The following NUB1 variants were observed in gnomAD, a reference collection of about 807,000 sequenced individuals.
The protein encoded by NUB1 is NEDD8 ultimate buster 1.
A neutral mutation model predicts 77.1 loss-of-function variants in NUB1; 41 were observed. The observed-to-expected ratio is 0.53, with a 90% CI of 0.41 to 0.69. The LOEUF (loss-of-function observed/expected upper bound fraction) is 0.69. Among genes scored for constraint, NUB1 ranks in the 30% least tolerant of loss-of-function variants. NUB1 has a pLI of 0.00. For missense variants in NUB1, 643 were observed against 743.8 expected, an observed-to-expected ratio of 0.86 and a Z score of 1.58; for synonymous variants, 257 against 281.0, an observed-to-expected ratio of 0.91 and a Z score of 0.85.
chr7:151,375,927 A>G lies in NUB1; in HGVS notation c.1475A>G (p.Gln492Arg). ...ETDNRQESPSQENIDRLVYMG... is the reference protein window; with the variant it reads ...ETDNRQESPSRENIDRLVYMG... ...GACAACCGTCAAGAAAGTCCTTCCC[A>G]GGAAAACATTGACCGAGTGAGTGAC... is the stretch of plus-strand genomic sequence containing the variant. The change falls in exon 13 of 15, where the codon CAG becomes CGG. Residue 492 changes from glutamine (Q) to arginine (R), a missense_variant. By Grantham distance (43) the Gln-to-Arg change is conservative. Coordinates refer to ENST00000568733, the MANE Select transcript of NUB1 (RefSeq NM_001243351.2). 1 of 1,611,628 alleles carries G rather than the reference A, an allele frequency of 6.2e-7. No individual in the cohort carries two copies. Among genetic ancestry groups the G allele is most frequent in the South Asian group, 1.1e-5 (1 of 91,046 alleles).
At chr7:151,361,487 C>T (rs1797379396) in intron 8 of NUB1, among the ~76,000 whole-genome samples, 1 of 152,194 alleles carries the variant, frequency 6.6e-6, no homozygotes, top group Non-Finnish European at 1.5e-5. Context: ...TCAGCAATTT[C>T]CCAAGGAGTC....
intron 12 of NUB1, chr7:151,374,484 GCA>G: frequency 1.7e-6 from 1 of 597,948 alleles, no homozygotes; most frequent in Non-Finnish European, 3.0e-6. Context: ...GTCCACACCA[GCA>G]CAGTCCACAG....
intron 11 of NUB1, 124 bp from the exon 12 acceptor site, chr7:151,373,973 C>T (rs1798083724): frequency 1.5e-5 from 16 of 1,043,580 alleles, no homozygotes; most frequent in East Asian, 2.6e-5. Flanking sequence ...AAAGAGGGCC[C>T]CCTGTGCTTT....
chr7:151,377,025 C>T, intron 14 of NUB1, 22 bp from the exon 15 acceptor site: 1 of 1,518,780 alleles, frequency 6.6e-7, no homozygotes, highest in Non-Finnish European at 8.8e-7. Context: ...AATTCACTTA[C>T]TCCTGCGGTA....
chr7:151,374,885 A>G (rs2302127), intron 12 of NUB1, among the ~76,000 whole-genome samples: 100,056 of 152,054 alleles, frequency 0.66, 33,482 homozygotes, highest in East Asian at 0.89. Flanking sequence ...ACACGTGGTG[A>G]GGGGTCCCGA....
rs1798192425 is a variant in NUB1, at chr7:151,375,836, T to C, written c.1396-12T>C. On this transcript the variant is annotated splice_polypyrimidine_tract_variant and intron_variant, in intron 12 of 14. Coordinates refer to ENST00000568733, the MANE Select transcript of NUB1 (RefSeq NM_001243351.2). The stretch of plus-strand genomic sequence containing the variant: ...CTTAGTGATGGGTAAAGGGTGTTCC[T>C]GTGTGTTTTAGATTCTGCTCAGCAA... 3.2e-6 allele frequency: 5 copies of C among 1,567,726 alleles called. No individual in the cohort carries two copies. The highest frequency in any genetic ancestry group is 1.7e-5 in the Admixed American group (1 of 59,916).
chr7:151,364,426 CAAAAACAAAA>C (rs1258204515), intron 8 of NUB1, among the ~76,000 whole-genome samples: 2 of 51,524 alleles, frequency 3.9e-5, no homozygotes, highest in Non-Finnish European at 1.1e-4. Context: ...GTCTCAAAAA[CAAAAACAAAA>C]AAAAACAAAA....
At chr7:151,344,380 G>A (rs1281564018) in intron 1 of NUB1, among the ~76,000 whole-genome samples, 2 of 150,420 alleles carry the variant, frequency 1.3e-5, no homozygotes, top group Non-Finnish European at 3.0e-5. Flanking sequence ...GTGCCATCTC[G>A]GCTCACTACA....
In NUB1 at chr7:151,377,391, G is replaced by A; in HGVS notation, c.*166G>A. On this transcript the variant is annotated 3_prime_UTR_variant, in exon 15 of 15. Transcript: ENST00000568733. ...CCAGGAGGGGTCCCAGGGCCTTCAT[G>A]CGTGGTCTCGGGGAAGAAGCTTCCT... is the stretch of plus-strand genomic sequence containing the variant. 2.0e-6 allele frequency: 1 copy of A among 504,226 alleles called. No homozygotes were observed. The allele number at this position is 504,226 out of a possible 1,614,324, so 31.2% of individuals were successfully genotyped here.
chr7:151,354,423 C>T (rs532828498), intron 5 of NUB1, among the ~76,000 whole-genome samples: 1 of 151,410 alleles, frequency 6.6e-6, no homozygotes, highest in Non-Finnish European at 1.5e-5. Flanking sequence ...GAAAAAAATC[C>T]AGCTAGTTTT....
At chr7:151,365,201 A>G (rs1347131329) in intron 8 of NUB1, among the ~76,000 whole-genome samples, 1 of 152,042 alleles carries the variant, frequency 6.6e-6, no homozygotes, top group Non-Finnish European at 1.5e-5. Context: ...ATAGTTTTAT[A>G]TATAATAATA....
In NUB1 at chr7:151,345,364, A is replaced by G. The variant is rs778777527; in HGVS notation, c.15A>G (p.Lys5=). 1.2e-6 allele frequency: 2 copies of G among 1,610,788 alleles called. No individual in the cohort carries two copies. Among genetic ancestry groups the G allele is most frequent in the African/African-American group, 1.3e-5 (1 of 74,862 alleles). Reference sequence around the variant, plus strand: ...TGCTTTCAGGGATGGCACAAAAGAAATATCTTCAAGCAAAATTGACCCAGT... The same window carrying G: ...TGCTTTCAGGGATGGCACAAAAGAAGTATCTTCAAGCAAAATTGACCCAGT... MAQK[K]YLQAKLTQFL... is the part of the protein sequence containing the mutation. The change falls in exon 2 of 15, where the codon AAA becomes AAG. Residue 5 remains lysine (K), a synonymous_variant. Coordinates refer to ENST00000568733, the MANE Select transcript of NUB1 (RefSeq NM_001243351.2).
intron 8 of NUB1, among the ~76,000 whole-genome samples, chr7:151,363,812 C>G (rs922141784): frequency 6.6e-6 from 1 of 152,072 alleles, no homozygotes; most frequent in Non-Finnish European, 1.5e-5. Flanking sequence ...GAGTCTCACT[C>G]TGTCGCCCAG....
chr7:151,376,599 G>A, intron 13 of NUB1, 35 bp from the exon 14 acceptor site: 1 of 1,561,738 alleles, frequency 6.4e-7, no homozygotes, highest in Non-Finnish European at 8.7e-7. Context: ...AGAGGCGCCA[G>A]GGGCTGATGC....
chr7:151,374,409 C>T lies in NUB1; in HGVS notation c.1395+166C>T, dbSNP rs1213820782. 56 of 811,422 alleles carry T rather than the reference C, an allele frequency of 6.9e-5. 2 individuals carry two copies. In the East Asian group the frequency reaches 1.2e-3, roughly 17 times the overall value. The allele number at this position is 811,422 out of a possible 1,614,324, so 50.3% of individuals were successfully genotyped here. ...TGGGCTCCAGCCCAGACACAGGCTG[C>T]GTGAGGCCACGTGAGGCCCCATGCT... On this transcript the variant is annotated intron_variant, in intron 12 of 14. Transcript: ENST00000568733.
intron 1 of NUB1, among the ~76,000 whole-genome samples, chr7:151,343,982 C>A (rs1796335576): frequency 1.3e-5 from 2 of 151,664 alleles, no homozygotes; most frequent in Admixed American, 1.3e-4. Context: ...GAGATTGAGA[C>A]CATCCTGGCC....
In NUB1 at chr7:151,377,344, A is replaced by C; in HGVS notation, c.*119A>C. On this transcript the variant is annotated 3_prime_UTR_variant, in exon 15 of 15. Coordinates refer to ENST00000568733, the MANE Select transcript of NUB1 (RefSeq NM_001243351.2). ...ATTACAAGTCCTCTTTGGGTGTAGGAGGGGGTGGGCAGGGGACAAGTCCAG... is the reference window on the plus strand; with the variant it reads ...ATTACAAGTCCTCTTTGGGTGTAGGCGGGGGTGGGCAGGGGACAAGTCCAG... The C allele has an allele frequency of 8.7e-6, 3 of 345,296 alleles. No individual in the cohort carries two copies. Among genetic ancestry groups the C allele is most frequent in the Non-Finnish European group, 1.1e-5 (2 of 185,594 alleles). The allele number at this position is 345,296 out of a possible 1,614,324, so 21.4% of individuals were successfully genotyped here. A position where few individuals can be genotyped will look rare whatever the true frequency, so the allele number is the denominator to read the frequency against.
rs1563032684 is a variant in NUB1, at chr7:151,375,921, C to T, written c.1469C>T (p.Pro490Leu). 5.6e-6 allele frequency: 9 copies of T among 1,612,132 alleles called. No individual in the cohort carries two copies. Among genetic ancestry groups the T allele is most frequent in the Non-Finnish European group, 7.6e-6 (9 of 1,178,260 alleles). Residue 490 changes from proline to leucine, a missense_variant, in exon 13 of 15, where the codon CCT becomes CTT. Physicochemically the swap from Pro to Leu is moderately conservative, Grantham distance 98. Coordinates refer to ENST00000568733, the MANE Select transcript of NUB1 (RefSeq NM_001243351.2). The part of the protein sequence containing the change: ...NPETDNRQES[P>L]SQENIDRLVY... ...GAAACCGACAACCGTCAAGAAAGTCCTTCCCAGGAAAACATTGACCGAGTG... is the reference window on the plus strand; with the variant it reads ...GAAACCGACAACCGTCAAGAAAGTCTTTCCCAGGAAAACATTGACCGAGTG...
chr7:151,353,229 C>T (rs146009588), intron 5 of NUB1, among the ~76,000 whole-genome samples: 29 of 152,196 alleles, frequency 1.9e-4, no homozygotes, highest in African/African-American at 6.5e-4. Context: ...GCCATGGTGG[C>T]GTGCGTTCCA....
Sources: allele counts gnomAD v4.1 joint callset (sites outside exome capture counted in the v4.1 genomes callset), GRCh38; gene constraint gnomAD v4.1.1; transcripts MANE v1.5; gene names NCBI Gene and HGNC (gene_info 2026-07-23, HGNC 2026-07-21).